The following PAQR5 variants were observed in gnomAD, a reference collection of about 807,000 sequenced individuals.
The protein encoded by PAQR5 is membrane progestin receptor gamma.
PAQR5 carries 20 observed loss-of-function variants against 34.5 expected under a neutral mutation model. That is an observed-to-expected ratio of 0.58 (90% CI 0.41 to 0.84). PAQR5 has a LOEUF of 0.84. Ranked by LOEUF, PAQR5 falls within the 40% of genes least tolerant of loss-of-function variation. PAQR5 has a pLI of 0.00. For missense variants in PAQR5, 378 were observed against 412.7 expected (o/e 0.92, Z 0.73); for synonymous variants, 131 against 155.6 (o/e 0.84, Z 1.18).
At chr15:69,302,448 A>T (rs2053626852) in intron 1 of PAQR5, among the ~76,000 whole-genome samples, 1 of 151,974 alleles carries the variant, frequency 6.6e-6, no homozygotes, top group African/African-American at 2.4e-5. Context: ...GCAGGGGAGG[A>T]TCAGTAGGAG....
At position 69,299,945 on chromosome 15, in the gene PAQR5, A is replaced by G. The variant is rs188248867; in HGVS notation, c.-277+889A>G. Among the ~76,000 whole-genome samples the G allele has an allele frequency of 1.5e-3, 230 of 152,274 alleles. 4 individuals carry two copies. The highest frequency in any genetic ancestry group is 5.2e-3 in the African/African-American group (218 of 41,558). The stretch of plus-strand genomic sequence containing the variant: ...GATTTCATTTGAACCTAACAAACCA[A>G]TGGCGAGTAGATATTAACACATGGG... On this transcript the variant is annotated intron_variant, in intron 1 of 8. Transcript: ENST00000395407.
chr15:69,340,895 T>A (rs953544786), intron 2 of PAQR5, among the ~76,000 whole-genome samples: 1 of 152,060 alleles, frequency 6.6e-6, no homozygotes, highest in Non-Finnish European at 1.5e-5. Flanking sequence ...ATAATATGTA[T>A]TTTTTTTCTG....
At chr15:69,307,066 G>C (rs2053733850) in intron 1 of PAQR5, among the ~76,000 whole-genome samples, 1 of 150,972 alleles carries the variant, frequency 6.6e-6, no homozygotes, top group South Asian at 2.1e-4. Context: ...TCTTTTTTAA[G>C]GCTGCATAAT....
chr15:69,303,237 A>C (rs1284596805), intron 1 of PAQR5, among the ~76,000 whole-genome samples: 1 of 152,108 alleles, frequency 6.6e-6, no homozygotes, highest in Non-Finnish European at 1.5e-5. Context: ...TCCTAATTAG[A>C]CTCAAGTTAA....
At chr15:69,331,951 A>G (rs1595863483) in intron 1 of PAQR5, among the ~76,000 whole-genome samples, 1 of 152,192 alleles carries the variant, frequency 6.6e-6, no homozygotes, top group Non-Finnish European at 1.5e-5. Flanking sequence ...CCTCACAGCT[A>G]TAGCACAAGC....
chr15:69,371,182 A>T (rs1271407784), intron 3 of PAQR5, among the ~76,000 whole-genome samples: 2 of 152,158 alleles, frequency 1.3e-5, no homozygotes, highest in African/African-American at 4.8e-5. Flanking sequence ...TTTAGGAGAA[A>T]CTTCTGCTGA....
rs1317933128 is a variant in PAQR5, at chr15:69,322,191, G to A, written c.-276-15150G>A. Among the ~76,000 whole-genome samples, 5 of 145,182 alleles carry A rather than the reference G, an allele frequency of 3.4e-5. 1 individual carries two copies. Among genetic ancestry groups the A allele is most frequent in the African/African-American group, 1.3e-4 (5 of 37,996 alleles). Reference sequence around the variant, plus strand: ...AAAAAAAAAAAAAAATTAAAAACTAGCCAGGGCCGGGTGCAGTGGCTCATG... The same window carrying A: ...AAAAAAAAAAAAAAATTAAAAACTAACCAGGGCCGGGTGCAGTGGCTCATG... On this transcript the variant is annotated intron_variant, in intron 1 of 8. Coordinates refer to ENST00000395407, the MANE Select transcript of PAQR5 (RefSeq NM_017705.4).
At chr15:69,394,092 C>A (rs1457191762) in intron 6 of PAQR5, among the ~76,000 whole-genome samples, 1 of 151,916 alleles carries the variant, frequency 6.6e-6, no homozygotes, top group Non-Finnish European at 1.5e-5. Context: ...GTGCATCCAA[C>A]CATTGATTGT....
chr15:69,344,201 A>G (rs2054709978), intron 2 of PAQR5, among the ~76,000 whole-genome samples: 1 of 152,172 alleles, frequency 6.6e-6, no homozygotes, highest in African/African-American at 2.4e-5. Context: ...GGCTGATGTG[A>G]CGGCTGTCTT....
At chr15:69,379,732 G>T in intron 3 of PAQR5, 151 bp from the exon 4 acceptor site, 1 of 1,223,282 alleles carries the variant, frequency 8.2e-7, no homozygotes, top group Admixed American at 2.5e-5. Flanking sequence ...TACTGCGAGG[G>T]AAGGAGAGAG....
At chr15:69,383,391 CCCTCT>C (rs2055980869) in intron 4 of PAQR5, among the ~76,000 whole-genome samples, 1 of 82,630 alleles carries the variant, frequency 1.2e-5, no homozygotes, top group African/African-American at 4.8e-5. Flanking sequence ...GGGTGACTGG[CCCTCT>C]GTGTTCATCG....
rs2053613163 is a variant in PAQR5, at chr15:69,301,862, T to A, written c.-277+2806T>A. 7.6e-4 allele frequency among the ~76,000 whole-genome samples: 7 copies of A among 9,206 alleles called. No homozygotes were observed. The South Asian group carries it at 9.1e-3, about 12-fold the overall frequency. 6.0% of individuals were successfully genotyped at this position (9,206 alleles called of 152,430 possible). A position where few individuals can be genotyped will look rare whatever the true frequency, so the allele number is the denominator to read the frequency against. ...AATTCATAAGAAATGGGGGGAGATTTTTTTTTTTTTTTTTTTTTTTTTTTT... is the reference window on the plus strand; with the variant it reads ...AATTCATAAGAAATGGGGGGAGATTATTTTTTTTTTTTTTTTTTTTTTTTT... On this transcript the variant is annotated intron_variant, in intron 1 of 8. Transcript: ENST00000395407.
At chr15:69,373,390 G>A (rs573063968) in intron 3 of PAQR5, among the ~76,000 whole-genome samples, 2 of 152,268 alleles carry the variant, frequency 1.3e-5, no homozygotes, top group East Asian at 3.9e-4. Flanking sequence ...ATTATCACAA[G>A]CTTGCCTATG....
chr15:69,383,489 G>A (rs527519000), intron 4 of PAQR5, among the ~76,000 whole-genome samples: 5 of 140,028 alleles, frequency 3.6e-5, no homozygotes, highest in Admixed American at 1.4e-4. Flanking sequence ...GTGGGCCTTT[G>A]TGTTCATGGT....
intron 8 of PAQR5, among the ~76,000 whole-genome samples, chr15:69,400,366 T>C (rs2056587643): frequency 1.3e-5 from 2 of 152,180 alleles, no homozygotes; most frequent in Non-Finnish European, 1.5e-5. Flanking sequence ...CCAGTGTGTC[T>C]TATTGTCATC....
intron 3 of PAQR5, 137 bp downstream of exon 3, chr15:69,360,268 T>C (rs1477153721): frequency 5.2e-6 from 3 of 581,854 alleles, no homozygotes; most frequent in Middle Eastern, 2.7e-4. Flanking sequence ...CCACACTTCC[T>C]TGGGGGATAT....
chr15:69,352,648 C>T lies in PAQR5; in HGVS notation c.-115-7318C>T, dbSNP rs2054951733. ...AATGGACAGCTGCAGCGCTATGGCC[C>T]TTCTATGAGGCATCCTTGAAGGACA... On this transcript the variant is annotated intron_variant, in intron 2 of 8. Transcript: ENST00000395407. 1.3e-5 allele frequency among the ~76,000 whole-genome samples: 2 copies of T among 152,328 alleles called. 1 individual carries two copies. Among genetic ancestry groups the T allele is most frequent in the South Asian group, 4.1e-4 (2 of 4,830 alleles).
At chr15:69,301,417 G>C (rs1327280175) in intron 1 of PAQR5, among the ~76,000 whole-genome samples, 1 of 152,220 alleles carries the variant, frequency 6.6e-6, no homozygotes, top group African/African-American at 2.4e-5. Flanking sequence ...GACTGAGGCA[G>C]AGCAACTTTG....
chr15:69,404,858 C>G lies in PAQR5; in HGVS notation c.*1036C>G, dbSNP rs569186518. The stretch of plus-strand genomic sequence containing the variant: ...TCCTAGGGAAAACCAGGGGGTTCTG[C>G]TTCACTAGGTTAAATGTAGGTTTTG... On this transcript the variant is annotated 3_prime_UTR_variant, in exon 9 of 9. Coordinates refer to ENST00000395407, the MANE Select transcript of PAQR5 (RefSeq NM_017705.4). The G allele has an allele frequency of 2.5e-4, 98 of 398,154 alleles. 1 individual carries two copies. The East Asian group carries it at 3.5e-3, about 14-fold the overall frequency. The allele number at this position is 398,154 out of a possible 1,614,324, so 24.7% of individuals were successfully genotyped here.
Sources: gnomAD v4.1 joint callset for allele counts (sites outside exome capture counted in the v4.1 genomes callset) on GRCh38, gnomAD v4.1.1 for gene constraint, MANE v1.5 for transcripts, NCBI Gene and HGNC (gene_info 2026-07-23, HGNC 2026-07-21) for gene names.